Variants in COMMD10 observed in about 807,000 individuals in gnomAD.
COMMD10 encodes COMM domain containing 10.
In COMMD10, 33 loss-of-function variants were observed where a neutral mutation model predicts 28.9. That is an observed-to-expected ratio of 1.14 (90% CI 0.87 to 1.53). The LOEUF (loss-of-function observed/expected upper bound fraction) is 1.53, where lower values mean the gene tolerates loss of function less well. Ranked by LOEUF, COMMD10 falls within the 40% of genes most tolerant of loss-of-function variation. The pLI is 0.00. For synonymous variants in COMMD10, 110 were observed against 81.7 expected (o/e 1.35, Z -1.87); for missense variants, 310 against 233.4 (o/e 1.33, Z -2.14).
chr5:116,125,740 T>C (rs1751606263), intron 4 of COMMD10, among the ~76,000 whole-genome samples: 1 of 152,158 alleles, frequency 6.6e-6, no homozygotes, highest in African/African-American at 2.4e-5. Flanking sequence ...TTGAAGGCTT[T>C]GTTCGTTTCT....
rs747685507 is a variant in COMMD10 at position 116,270,455 on chromosome 5, TCGAAAAA to T, written c.511-21060_511-21054del. Among the ~76,000 whole-genome samples the T allele has an allele frequency of 1.8e-3, 269 of 151,978 alleles. 3 individuals are homozygous for T. Among genetic ancestry groups the T allele is most frequent in the Non-Finnish European group, 2.7e-3 (184 of 68,012 alleles). ...ACTGTCTTTTGTAGAGAGTAGCATT[TCGAAAAA>T]CTGAATTTGGCGTCTGTATTTAGAA... is the stretch of plus-strand genomic sequence containing the variant. On this transcript the variant is annotated intron_variant, in intron 5 of 6. Transcript: ENST00000274458.
chr5:116,233,948 A>G (rs987326284), intron 5 of COMMD10, among the ~76,000 whole-genome samples: 2 of 152,210 alleles, frequency 1.3e-5, no homozygotes, highest in African/African-American at 4.8e-5. Context: ...AGAATCCTTG[A>G]TAACTGGAAA....
At chr5:116,142,238 A>G (rs1216773973) in intron 5 of COMMD10, among the ~76,000 whole-genome samples, 1 of 151,812 alleles carries the variant, frequency 6.6e-6, no homozygotes, top group African/African-American at 2.4e-5. Context: ...CTCATCATTA[A>G]TATATTCTAA....
At chr5:116,088,671 T>A (rs992428545) in intron 2 of COMMD10, among the ~76,000 whole-genome samples, 2 of 152,214 alleles carry the variant, frequency 1.3e-5, no homozygotes, top group Admixed American at 1.3e-4. Flanking sequence ...AATGTGTCTA[T>A]GCATATACTC....
At chr5:116,177,922 A>G (rs879866514) in intron 5 of COMMD10, among the ~76,000 whole-genome samples, 6 of 152,088 alleles carry the variant, frequency 3.9e-5, no homozygotes, top group Non-Finnish European at 8.8e-5. Flanking sequence ...ATAAACGTTT[A>G]TTATCTGAAC....
chr5:116,292,070 G>T (rs1030116084), intron 6 of COMMD10, among the ~76,000 whole-genome samples: 3 of 151,370 alleles, frequency 2.0e-5, no homozygotes, highest in Non-Finnish European at 2.9e-5. Context: ...TGGAGCATGC[G>T]TGTGGTTATC....
chr5:116,159,155 T>G (rs1752836425), intron 5 of COMMD10, among the ~76,000 whole-genome samples: 1 of 152,218 alleles, frequency 6.6e-6, no homozygotes, highest in Non-Finnish European at 1.5e-5. Context: ...CTGTATATTT[T>G]ACAGGCTTTC....
At chr5:116,291,277 T>C (rs994820666) in intron 5 of COMMD10, among the ~76,000 whole-genome samples, 2 of 152,204 alleles carry the variant, frequency 1.3e-5, no homozygotes, top group African/African-American at 2.4e-5. Context: ...GCATATGTTT[T>C]ATTAACCTTC....
intron 5 of COMMD10, among the ~76,000 whole-genome samples, chr5:116,140,913 G>A (rs944647688): frequency 1.3e-5 from 2 of 151,676 alleles, no homozygotes; most frequent in East Asian, 3.9e-4. Context: ...TTCCTTTTCT[G>A]TACAGGAGCT....
chr5:116,253,415 A>G (rs886287603), intron 5 of COMMD10, among the ~76,000 whole-genome samples: 1 of 151,412 alleles, frequency 6.6e-6, no homozygotes, highest in Non-Finnish European at 1.5e-5. Context: ...CCCATTCAGT[A>G]TGATATTGGC....
chr5:116,151,342 C>A (rs1007411618), intron 5 of COMMD10, among the ~76,000 whole-genome samples: 2 of 151,922 alleles, frequency 1.3e-5, no homozygotes, highest in African/African-American at 4.8e-5. Flanking sequence ...TGTCTCTGCC[C>A]AGCTTTGGTA....
intron 5 of COMMD10, among the ~76,000 whole-genome samples, chr5:116,204,577 A>G (rs1748763546): frequency 6.6e-6 from 1 of 152,182 alleles, no homozygotes. Context: ...AGGCAGAAGT[A>G]TAACTGCAGC....
chr5:116,291,517 A>G lies in COMMD10; in HGVS notation c.511A>G (p.Ser171Gly). The change falls in exon 6 of 7, where the codon AGC (serine) becomes GGC (glycine). Residue 171 changes from serine (S) to glycine (G), a missense_variant and splice_region_variant. By Grantham distance (56) the Ser-to-Gly change is moderately conservative. Coordinates refer to ENST00000274458, the MANE Select transcript of COMMD10 (RefSeq NM_016144.4). ...QLGVNNEDSKSLEKVLVEFSH... is the reference protein window; with the variant it reads ...QLGVNNEDSKGLEKVLVEFSH... The stretch of plus-strand genomic sequence containing the variant: ...TTTTTGTTGTTTTTCTTCCTTACAG[A>G]GCCTGGAGAAAGTTCTTGTGGAATT... 6.3e-7 allele frequency: 1 copy of G among 1,598,158 alleles called. No homozygotes were observed. The highest frequency in any genetic ancestry group is 1.1e-5 in the South Asian group (1 of 88,304).
chr5:116,150,018 T>C (rs1427842320), intron 5 of COMMD10, among the ~76,000 whole-genome samples: 1 of 152,190 alleles, frequency 6.6e-6, no homozygotes, highest in Non-Finnish European at 1.5e-5. Context: ...TAATCCATCT[T>C]GAATTAATTT....
intron 5 of COMMD10, among the ~76,000 whole-genome samples, chr5:116,193,638 T>G (rs1450878929): frequency 6.6e-6 from 1 of 152,046 alleles, no homozygotes; most frequent in African/African-American, 2.4e-5. Context: ...CCTAAACATA[T>G]GCACCTAACA....
intron 5 of COMMD10, among the ~76,000 whole-genome samples, chr5:116,136,224 A>AG (rs1439181094): frequency 6.6e-6 from 1 of 152,098 alleles, no homozygotes; most frequent in African/African-American, 2.4e-5. Context: ...ACTGGAAATT[A>AG]GGAGGGGAAA....
At chr5:116,258,299 C>G (rs1268676142) in intron 5 of COMMD10, among the ~76,000 whole-genome samples, 1 of 151,780 alleles carries the variant, frequency 6.6e-6, no homozygotes. Context: ...CACTTACTCT[C>G]TTCCTCCCTG....
intron 5 of COMMD10, among the ~76,000 whole-genome samples, chr5:116,266,434 A>T (rs1055100037): frequency 2.6e-5 from 4 of 151,772 alleles, no homozygotes; most frequent in Admixed American, 2.6e-4. Context: ...CATTTATTTC[A>T]TATGAAAATA....
At chr5:116,258,754 A>G (rs1468209626) in intron 5 of COMMD10, among the ~76,000 whole-genome samples, 1 of 151,258 alleles carries the variant, frequency 6.6e-6, no homozygotes, top group African/African-American at 2.4e-5. Context: ...TGGAATTTTT[A>G]TCCTTGGGGT....
Sources: allele counts gnomAD v4.1 joint callset (sites outside exome capture counted in the v4.1 genomes callset), GRCh38; gene constraint gnomAD v4.1.1; transcripts MANE v1.5; gene names NCBI Gene and HGNC (gene_info 2026-07-23, HGNC 2026-07-21).